Variants in FJX1 observed in about 807,000 individuals in gnomAD.
FJX1 encodes the protein four-jointed box protein 1.
A neutral mutation model predicts 28.7 loss-of-function variants in FJX1; 21 were observed. The ratio of observed to expected loss-of-function variants is 0.73; its 90% CI spans 0.52 to 1.05. FJX1 has a LOEUF of 1.05. Ranked by LOEUF, FJX1 falls within the 50% of genes least tolerant of loss-of-function variation. The pLI is 0.00. For missense variants in FJX1, 683 were observed against 647.2 expected, an observed-to-expected ratio of 1.06 and a Z score of -0.60; for synonymous variants, 363 against 310.0, an observed-to-expected ratio of 1.17 and a Z score of -1.80.
chr11:35,619,554 A>G lies in FJX1; in HGVS notation c.918A>G (p.Val306=). ...DYLTANFDRL[V]SNLFSLQWDP... is the part of the protein sequence containing the mutation. ...TGACGGCCAACTTCGACCGGCTCGT[A>G]AGCAACCTCTTCAGCCTGCAGTGGG... The change falls in exon 1 of 1, where the codon GTA becomes GTG. Residue 306 remains valine (V), a synonymous_variant. Coordinates refer to ENST00000317811, the MANE Select transcript of FJX1 (RefSeq NM_014344.4). The surrounding 1 kb of genome is among the most constrained non-coding windows in gnomAD (Gnocchi z 7.6). The G allele has an allele frequency of 6.2e-7, 1 of 1,602,260 alleles. No individual in the cohort carries two copies. Among genetic ancestry groups the G allele is most frequent in the Non-Finnish European group, 8.5e-7 (1 of 1,179,750 alleles).
In FJX1 at chr11:35,619,054, C is replaced by T. The variant is rs771063260; in HGVS notation, c.418C>T (p.Gln140Ter). Residue 140 changes from glutamine to a stop codon, truncating the protein, a stop_gained, in exon 1 of 1, where the codon CAG becomes TAG. Coordinates refer to ENST00000317811, the MANE Select transcript of FJX1 (RefSeq NM_014344.4). LOFTEE classifies it high-confidence loss of function. The surrounding 1 kb of genome is among the most constrained non-coding windows in gnomAD (Gnocchi z 7.6). Reference protein sequence around the residue: ...EQVPPGFSEAQAAAWLEAARG... With the variant: ...EQVPPGFSEA ...GGTGCCCCCGGGCTTTTCGGAGGCCCAGGCGGCGGCGTGGCTGGAGGCGGC... is the reference window on the plus strand; with the variant it reads ...GGTGCCCCCGGGCTTTTCGGAGGCCTAGGCGGCGGCGTGGCTGGAGGCGGC... 2.0e-6 allele frequency: 3 copies of T among 1,467,682 alleles called. No homozygotes were observed. Among genetic ancestry groups the T allele is most frequent in the Non-Finnish European group, 2.7e-6 (3 of 1,122,468 alleles). 90.9% of individuals were successfully genotyped at this position (1,467,682 alleles called of 1,614,324 possible).
Position 35,619,417 on chromosome 11 carries a change from G to T in FJX1, c.781G>T (p.Glu261Ter). The T allele has an allele frequency of 2.5e-6, 4 of 1,597,488 alleles. No individual in the cohort carries two copies. Among genetic ancestry groups the T allele is most frequent in the Non-Finnish European group, 3.4e-6 (4 of 1,179,226 alleles). Residue 261 changes from glutamate to a stop codon, truncating the protein, a stop_gained, in exon 1 of 1, where the codon GAG (glutamate) becomes TAG (stop). Transcript: ENST00000317811. LOFTEE classifies it high-confidence loss of function. This position sits in a 1 kb window ranked among gnomAD's most constrained non-coding sequence, Gnocchi z 7.6. ...GGTGGTGCCCGCGCCCTGGCGCTCG[G>T]AGGACGGCCGTCTGCGCCCCCTCCG... The part of the protein sequence containing the change: ...DVVVPAPWRS[E>*]DGRLRPLRDA...
rs1221582083 is a variant in FJX1, at chr11:35,619,671, C to T, written c.1035C>T (p.His345=). ...VFLDNEAGLV[H]GYRVAGMWDK... ...TGGACAATGAGGCGGGCTTGGTGCACGGCTACCGGGTAGCAGGCATGTGGG... is the reference window on the plus strand; with the variant it reads ...TGGACAATGAGGCGGGCTTGGTGCATGGCTACCGGGTAGCAGGCATGTGGG... Residue 345 remains histidine, a synonymous_variant, in exon 1 of 1, where the codon CAC becomes CAT. Transcript: ENST00000317811. The surrounding 1 kb of genome is among the most constrained non-coding windows in gnomAD (Gnocchi z 7.6). The T allele has an allele frequency of 1.9e-6, 3 of 1,609,520 alleles. No individual in the cohort carries two copies. Among genetic ancestry groups the T allele is most frequent in the African/African-American group, 2.7e-5 (2 of 74,890 alleles).
Position 35,620,109 on chromosome 11 carries a change from C to A in FJX1, c.*159C>A. The A allele has an allele frequency of 9.0e-7, 1 of 1,113,492 alleles. No individual in the cohort carries two copies. Among genetic ancestry groups the A allele is most frequent in the Non-Finnish European group, 1.3e-6 (1 of 783,066 alleles). 69.0% of individuals were successfully genotyped at this position (1,113,492 alleles called of 1,614,324 possible). ...CACCCACCTGCCCCTTTCTTTCAAT[C>A]CCACGCTGTTTCCTTTCAAAGTTCT... On this transcript the variant is annotated 3_prime_UTR_variant, in exon 1 of 1. Transcript: ENST00000317811.
In FJX1 at chr11:35,619,833, C is replaced by T. The variant is rs1850878980; in HGVS notation, c.1197C>T (p.Phe399=). 1 of 1,552,518 alleles carries T rather than the reference C, an allele frequency of 6.4e-7. No individual in the cohort carries two copies. The highest frequency in any genetic ancestry group is 8.7e-7 in the Non-Finnish European group (1 of 1,148,328). The change falls in exon 1 of 1, where the codon TTC becomes TTT. Residue 399 remains phenylalanine (F), a synonymous_variant. Transcript: ENST00000317811. This position sits in a 1 kb window ranked among gnomAD's most constrained non-coding sequence, Gnocchi z 7.6. The part of the protein sequence containing the change: ...LRLYRRHEPR[F]PELAALADPH... ...TCTACCGGCGCCACGAGCCTCGCTT[C>T]CCCGAGCTGGCCGCCCTTGCAGACC... is the stretch of plus-strand genomic sequence containing the variant.
chr11:35,618,628 C>G lies in FJX1; in HGVS notation c.-9C>G. ...AGCGGCGGCGGCGCACCGGCACAGC[C>G]GCGGGAGCATGGGCAGGAGGATGCG... On this transcript the variant is annotated 5_prime_UTR_variant, in exon 1 of 1. Coordinates refer to ENST00000317811, the MANE Select transcript of FJX1 (RefSeq NM_014344.4). This position sits in a 1 kb window ranked among gnomAD's most constrained non-coding sequence, Gnocchi z 4.2. The G allele has an allele frequency of 8.8e-7, 1 of 1,140,524 alleles. No homozygotes were observed. Among genetic ancestry groups the G allele is most frequent in the African/African-American group, 1.7e-5 (1 of 60,396 alleles). 70.7% of individuals were successfully genotyped at this position (1,140,524 alleles called of 1,614,324 possible).
In FJX1 at chr11:35,619,277, G is replaced by T. The variant is rs754926596; in HGVS notation, c.641G>T (p.Arg214Leu). 1.3e-6 allele frequency: 2 copies of T among 1,564,166 alleles called. No individual in the cohort carries two copies. The highest frequency in any genetic ancestry group is 8.6e-7 in the Non-Finnish European group (1 of 1,164,108). Residue 214 changes from arginine to leucine, a missense_variant, in exon 1 of 1, where the codon CGG becomes CTG. Transcript: ENST00000317811. The surrounding 1 kb of genome is among the most constrained non-coding windows in gnomAD (Gnocchi z 7.6). ...CACGTGCCGCCGCTGGCACTGGCTCGGGTGGAGGCTCGGGGCGCGCAGTGG... is the reference window on the plus strand; with the variant it reads ...CACGTGCCGCCGCTGGCACTGGCTCTGGTGGAGGCTCGGGGCGCGCAGTGG... ...QRHVPPLALA[R>L]VEARGAQWAQ... is the part of the protein sequence containing the mutation.
At position 35,619,830 on chromosome 11, in the gene FJX1, C is replaced by T; in HGVS notation, c.1194C>T (p.Arg398=). 6.4e-7 allele frequency: 1 copy of T among 1,552,114 alleles called. No individual in the cohort carries two copies. Among genetic ancestry groups the T allele is most frequent in the Non-Finnish European group, 8.7e-7 (1 of 1,148,128 alleles). The change falls in exon 1 of 1, where the codon CGC becomes CGT. Residue 398 remains arginine (R), a synonymous_variant. Coordinates refer to ENST00000317811, the MANE Select transcript of FJX1 (RefSeq NM_014344.4). The surrounding 1 kb of genome is among the most constrained non-coding windows in gnomAD (Gnocchi z 7.6). ...LLRLYRRHEP[R]FPELAALADP... Reference sequence around the variant, plus strand: ...GCCTCTACCGGCGCCACGAGCCTCGCTTCCCCGAGCTGGCCGCCCTTGCAG... The same window carrying T: ...GCCTCTACCGGCGCCACGAGCCTCGTTTCCCCGAGCTGGCCGCCCTTGCAG...
At position 35,619,738 on chromosome 11, in the gene FJX1, CGCG is replaced by C; in HGVS notation, c.1103_1105del (p.Arg368_Glu369delinsGln). The C allele has an allele frequency of 6.4e-7, 1 of 1,571,116 alleles. No individual in the cohort carries two copies. The highest frequency in any genetic ancestry group is 8.6e-7 in the Non-Finnish European group (1 of 1,159,710). ...GCTGTTGCAGTCAGTGTGCGTGTTC[CGCG>C]AGCGGACCGCGCGGCGCGTCCTGGA... On this transcript the variant is annotated inframe_deletion, in exon 1 of 1. Transcript: ENST00000317811. This position sits in a 1 kb window ranked among gnomAD's most constrained non-coding sequence, Gnocchi z 7.6.
chr11:35,620,134 T>C lies in FJX1; in HGVS notation c.*184T>C. On this transcript the variant is annotated 3_prime_UTR_variant, in exon 1 of 1. Coordinates refer to ENST00000317811, the MANE Select transcript of FJX1 (RefSeq NM_014344.4). Reference sequence around the variant, plus strand: ...CCCACGCTGTTTCCTTTCAAAGTTCTGGGAGGACGAACTCACCGAGGCGAG... The same window carrying C: ...CCCACGCTGTTTCCTTTCAAAGTTCCGGGAGGACGAACTCACCGAGGCGAG... 1 of 916,112 alleles carries C rather than the reference T, an allele frequency of 1.1e-6. No individual in the cohort carries two copies. Among genetic ancestry groups the C allele is most frequent in the Non-Finnish European group, 1.6e-6 (1 of 610,438 alleles). The allele number at this position is 916,112 out of a possible 1,614,324, so 56.7% of individuals were successfully genotyped here. A position where few individuals can be genotyped will look rare whatever the true frequency, so the allele number is the denominator to read the frequency against.
Position 35,618,865 on chromosome 11 carries a change from C to T in FJX1, c.229C>T (p.Leu77=). Reference sequence around the variant, plus strand: ...GGCGTGGGACGCCCGCGGCGGCTCCCTGAAAACTTTCCGGGCGCTGCTCAC... The same window carrying T: ...GGCGTGGGACGCCCGCGGCGGCTCCTTGAAAACTTTCCGGGCGCTGCTCAC... ...PLAWDARGGS[L]KTFRALLTLA... The change falls in exon 1 of 1, where the codon CTG becomes TTG. Residue 77 remains leucine (L), a synonymous_variant. Coordinates refer to ENST00000317811, the MANE Select transcript of FJX1 (RefSeq NM_014344.4). The surrounding 1 kb of genome is among the most constrained non-coding windows in gnomAD (Gnocchi z 4.2). The T allele has an allele frequency of 1.5e-6, 2 of 1,363,382 alleles. No homozygotes were observed. Among genetic ancestry groups the T allele is most frequent in the Non-Finnish European group, 1.9e-6 (2 of 1,062,308 alleles). The allele number at this position is 1,363,382 out of a possible 1,614,324, so 84.5% of individuals were successfully genotyped here. A position where few individuals can be genotyped will look rare whatever the true frequency, so the allele number is the denominator to read the frequency against.
Position 35,619,845 on chromosome 11 carries a change from C to A in FJX1, c.1209C>A (p.Ala403=), listed in dbSNP as rs1850879262. The A allele has an allele frequency of 6.4e-7, 1 of 1,554,758 alleles. No individual in the cohort carries two copies. Among genetic ancestry groups the A allele is most frequent in the African/African-American group, 1.4e-5 (1 of 73,330 alleles). The change falls in exon 1 of 1, where the codon GCC becomes GCA. Residue 403 remains alanine, a synonymous_variant. Transcript: ENST00000317811. This position sits in a 1 kb window ranked among gnomAD's most constrained non-coding sequence, Gnocchi z 7.6. ...ACGAGCCTCGCTTCCCCGAGCTGGC[C>A]GCCCTTGCAGACCCCCACGCTCAGC... ...RRHEPRFPEL[A]ALADPHAQLL...
Position 35,620,055 on chromosome 11 carries a change from C to A in FJX1, c.*105C>A. 1 of 1,484,176 alleles carries A rather than the reference C, an allele frequency of 6.7e-7. No homozygotes were observed. Among genetic ancestry groups the A allele is most frequent in the Non-Finnish European group, 9.0e-7 (1 of 1,109,688 alleles). The allele number at this position is 1,484,176 out of a possible 1,614,324, so 91.9% of individuals were successfully genotyped here. On this transcript the variant is annotated 3_prime_UTR_variant, in exon 1 of 1. Coordinates refer to ENST00000317811, the MANE Select transcript of FJX1 (RefSeq NM_014344.4). ...AGGGACCAGCCGGCCAACGCCCACC[C>A]GCAAAGGTGTCTAAAAACTTCAGCT... is the stretch of plus-strand genomic sequence containing the variant.
At position 35,619,708 on chromosome 11, in the gene FJX1, G is replaced by A. The variant is rs1443655044; in HGVS notation, c.1072G>A (p.Glu358Lys). The change falls in exon 1 of 1, where the codon GAG (glutamate) becomes AAG (lysine). Residue 358 changes from glutamate (E) to lysine (K), a missense_variant. Transcript: ENST00000317811. The surrounding 1 kb of genome is among the most constrained non-coding windows in gnomAD (Gnocchi z 7.6). ...AGCAGGCATGTGGGACAAGTATAAC[G>A]AGCCGCTGTTGCAGTCAGTGTGCGT... ...RVAGMWDKYNEPLLQSVCVFR... is the reference protein window; with the variant it reads ...RVAGMWDKYNKPLLQSVCVFR... 3.8e-6 allele frequency: 6 copies of A among 1,594,124 alleles called. No individual in the cohort carries two copies. Among genetic ancestry groups the A allele is most frequent in the Non-Finnish European group, 4.3e-6 (5 of 1,172,122 alleles).
Position 35,619,535 on chromosome 11 carries a change from C to G in FJX1, c.899C>G (p.Ala300Gly). 6.2e-7 allele frequency: 1 copy of G among 1,600,808 alleles called. No individual in the cohort carries two copies. The highest frequency in any genetic ancestry group is 8.5e-7 in the Non-Finnish European group (1 of 1,179,750). The change falls in exon 1 of 1, where the codon GCC becomes GGC. Residue 300 changes from alanine (A) to glycine (G), a missense_variant. Physicochemically the swap from Ala to Gly is moderately conservative, Grantham distance 60 (BLOSUM62 0). Coordinates refer to ENST00000317811, the MANE Select transcript of FJX1 (RefSeq NM_014344.4). The surrounding 1 kb of genome is among the most constrained non-coding windows in gnomAD (Gnocchi z 7.6). ...TDLILFDYLT[A>G]NFDRLVSNLF... is the part of the protein sequence containing the mutation. ...TTAATCCTTTTCGACTACCTGACGG[C>G]CAACTTCGACCGGCTCGTAAGCAAC...
At position 35,619,250 on chromosome 11, in the gene FJX1, G is replaced by A. The variant is rs1714528360; in HGVS notation, c.614G>A (p.Arg205His). 2 of 1,569,706 alleles carry A rather than the reference G, an allele frequency of 1.3e-6. No individual in the cohort carries two copies. The change falls in exon 1 of 1, where the codon CGC becomes CAC. Residue 205 changes from arginine to histidine, a missense_variant. Transcript: ENST00000317811. The surrounding 1 kb of genome is among the most constrained non-coding windows in gnomAD (Gnocchi z 7.6). ...CTGGCGCGCCTGCTGGGCCTCCAGC[G>A]CCACGTGCCGCCGCTGGCACTGGCT... is the stretch of plus-strand genomic sequence containing the variant. The part of the protein sequence containing the change: ...YYLARLLGLQ[R>H]HVPPLALARV...
In FJX1 at chr11:35,618,976, G is replaced by T; in HGVS notation, c.340G>T (p.Glu114Ter). 6.8e-7 allele frequency: 1 copy of T among 1,476,306 alleles called. No individual in the cohort carries two copies. The allele number at this position is 1,476,306 out of a possible 1,614,324, so 91.5% of individuals were successfully genotyped here. ...GTCAGCCAGGCAGCCCCGGCCGGAG[G>T]AGAGCGCCGCGGTGCACGGGGGCGT... ...HVSARQPRPE[E>*]SAAVHGGVFW... Residue 114 changes from glutamate (E) to a stop codon, truncating the protein, a stop_gained, in exon 1 of 1, where the codon GAG (glutamate) becomes TAG (stop). Transcript: ENST00000317811. LOFTEE classifies it high-confidence loss of function. This position sits in a 1 kb window ranked among gnomAD's most constrained non-coding sequence, Gnocchi z 4.2.
Position 35,619,307 on chromosome 11 carries a change from AG to A in FJX1, c.673del (p.Val225CysfsTer16). The stretch of plus-strand genomic sequence containing the variant: ...GAGGCTCGGGGCGCGCAGTGGGCGC[AG>A]GTGCAGGAGGAGCTGCGCGCTGCGC... ...RVEARGAQWA[Q>X]VQEELRAAHW... is the part of the protein sequence containing the mutation. On this transcript the variant is annotated frameshift_variant, in exon 1 of 1. Transcript: ENST00000317811. LOFTEE classifies it high-confidence loss of function. This position sits in a 1 kb window ranked among gnomAD's most constrained non-coding sequence, Gnocchi z 7.6. The A allele has an allele frequency of 6.4e-7, 1 of 1,556,626 alleles. No individual in the cohort carries two copies.
In FJX1 at chr11:35,618,488, C is replaced by G; in HGVS notation, c.-149C>G. 2 of 718,260 alleles carry G rather than the reference C, an allele frequency of 2.8e-6. No individual in the cohort carries two copies. Among genetic ancestry groups the G allele is most frequent in the South Asian group, 6.4e-5 (1 of 15,510 alleles). The allele number at this position is 718,260 out of a possible 1,614,324, so 44.5% of individuals were successfully genotyped here. A position where few individuals can be genotyped will look rare whatever the true frequency, so the allele number is the denominator to read the frequency against. On this transcript the variant is annotated 5_prime_UTR_variant, in exon 1 of 1. Transcript: ENST00000317811. This position sits in a 1 kb window ranked among gnomAD's most constrained non-coding sequence, Gnocchi z 4.2. Reference sequence around the variant, plus strand: ...TCCCAGCGCCGGGCGGAGCGCCGGACAGAGCCCCGCAGCGCCCCGCGGCCG... The same window carrying G: ...TCCCAGCGCCGGGCGGAGCGCCGGAGAGAGCCCCGCAGCGCCCCGCGGCCG...
Sources: gnomAD v4.1 joint callset for allele counts on GRCh38, gnomAD v4.1.1 for gene constraint, Gnocchi (gnomAD v3.1) non-coding constraint, MANE v1.5 for transcripts, NCBI Gene and HGNC (gene_info 2026-07-23, HGNC 2026-07-21) for gene names.